The following TFRC variants were observed in gnomAD, a reference collection of about 807,000 sequenced individuals.
The protein encoded by TFRC is transferrin receptor protein 1.
In TFRC, 35 loss-of-function variants were observed where a neutral mutation model predicts 85.8. The observed-to-expected ratio is 0.41, with a 90% CI of 0.31 to 0.54. The LOEUF (loss-of-function observed/expected upper bound fraction) is 0.54, where lower values mean the gene tolerates loss of function less well. Ranked by LOEUF, TFRC falls within the 20% of genes least tolerant of loss-of-function variation. The pLI is 0.31. For synonymous variants in TFRC, 362 were observed against 328.6 expected (o/e 1.10, Z -1.10); for missense variants, 828 against 921.5 (o/e 0.90, Z 1.31).
chr3:196,073,394 C>G (rs1404205037), intron 4 of TFRC, among the ~76,000 whole-genome samples: 1 of 151,602 alleles, frequency 6.6e-6, no homozygotes, highest in Non-Finnish European at 1.5e-5. Context: ...GAGATGAGAG[C>G]ACGCCACCGT....
chr3:196,060,429 G>C, intron 13 of TFRC, 182 bp from the exon 14 acceptor site: 2 of 597,156 alleles, frequency 3.3e-6, no homozygotes, highest in Non-Finnish European at 6.0e-6. Context: ...TAGCAACTAA[G>C]CTAACTTCAC....
In TFRC at chr3:196,071,397, G is replaced by A; in HGVS notation, c.686C>T (p.Thr229Ile). The change falls in exon 6 of 19, where the codon ACT becomes ATT. Residue 229 changes from threonine (T) to isoleucine (I), a missense_variant and splice_region_variant. Transcript: ENST00000360110. ...YVAYSKAATVTGKLVHANFGT... is the reference protein window; with the variant it reads ...YVAYSKAATVIGKLVHANFGT... ...CATGCACTGTTTTGCTTTACTTACA[G>A]TAACTGTTGCAGCCTTACTATACGC... 1 of 1,613,334 alleles carries A rather than the reference G, an allele frequency of 6.2e-7. No individual in the cohort carries two copies. Among genetic ancestry groups the A allele is most frequent in the East Asian group, 2.2e-5 (1 of 44,866 alleles).
chr3:196,050,363 G>A lies in TFRC; in HGVS notation c.*1579C>T, dbSNP rs1250970540. On this transcript the variant is annotated 3_prime_UTR_variant, in exon 19 of 19. Transcript: ENST00000360110. ...ACCCAATGCTTAATGACCACAAAATGTTTCTGCAACTAAAACTAAAAGATA... is the reference window on the plus strand; with the variant it reads ...ACCCAATGCTTAATGACCACAAAATATTTCTGCAACTAAAACTAAAAGATA... The A allele has an allele frequency of 4.6e-6, 1 of 215,618 alleles. No homozygotes were observed. Among genetic ancestry groups the A allele is most frequent in the African/African-American group, 2.3e-5 (1 of 44,322 alleles). 13.4% of individuals were successfully genotyped at this position (215,618 alleles called of 1,614,324 possible).
rs1314344034 is a variant in TFRC, at chr3:196,075,146, T to C, written c.238+13A>G. On this transcript the variant is annotated intron_variant, in intron 3 of 18. Coordinates refer to ENST00000360110, the MANE Select transcript of TFRC (RefSeq NM_001128148.3). ...TTATAGAAAACATTGAAGTTTGGAATGGTCATTCTCACCAATCAAGAAAAA... is the reference window on the plus strand; with the variant it reads ...TTATAGAAAACATTGAAGTTTGGAACGGTCATTCTCACCAATCAAGAAAAA... 6 of 1,612,288 alleles carry C rather than the reference T, an allele frequency of 3.7e-6. No individual in the cohort carries two copies. The highest frequency in any genetic ancestry group is 5.1e-6 in the Non-Finnish European group (6 of 1,179,094).
At chr3:196,055,010 C>A in intron 17 of TFRC, 70 bp downstream of exon 17, 1 of 1,447,860 alleles carries the variant, frequency 6.9e-7, no homozygotes, top group East Asian at 2.3e-5. Context: ...CAGGAACACA[C>A]AGGAACACAT....
In TFRC at chr3:196,079,027, C is replaced by T. The variant is rs972609184; in HGVS notation, c.-23-1905G>A. 2.0e-5 allele frequency among the ~76,000 whole-genome samples: 3 copies of T among 152,172 alleles called. No individual in the cohort carries two copies. In the South Asian group the frequency reaches 6.2e-4, roughly 32 times the overall value. ...GACCTAGGGTGATCCACCCACCTGG[C>T]CTCCCAAAGTGCTAAGATTAGTTAC... On this transcript the variant is annotated intron_variant, in intron 1 of 18. Transcript: ENST00000360110.
At chr3:196,067,125 G>A (rs1717801404) in intron 9 of TFRC, among the ~76,000 whole-genome samples, 1 of 152,178 alleles carries the variant, frequency 6.6e-6, no homozygotes, top group African/African-American at 2.4e-5. Context: ...TTGCTTAGAA[G>A]AAAAATCCAG....
Position 196,063,009 on chromosome 3 carries a change from T to C in TFRC, c.1319-70A>G. On this transcript the variant is annotated intron_variant, in intron 11 of 18. Coordinates refer to ENST00000360110, the MANE Select transcript of TFRC (RefSeq NM_001128148.3). ...CAGACAAGGATGGAAGGTATCCCACTTAAGATGAATCAGAAGGTCTAATTC... is the reference window on the plus strand; with the variant it reads ...CAGACAAGGATGGAAGGTATCCCACCTAAGATGAATCAGAAGGTCTAATTC... 6 of 1,273,970 alleles carry C rather than the reference T, an allele frequency of 4.7e-6. No individual in the cohort carries two copies. The Admixed American group carries it at 1.1e-4, about 24-fold the overall frequency. The allele number at this position is 1,273,970 out of a possible 1,614,324, so 78.9% of individuals were successfully genotyped here.
At chr3:196,054,306 G>A (rs1362896609) in intron 17 of TFRC, among the ~76,000 whole-genome samples, 2 of 152,100 alleles carry the variant, frequency 1.3e-5, no homozygotes, top group Admixed American at 6.6e-5. Context: ...CTGGGGAGCC[G>A]AGGCAGGAGA....
In TFRC at chr3:196,075,046, C is replaced by CA. The variant is rs56119775; in HGVS notation, c.238+112dup. 0.23 allele frequency: 120,556 copies of CA among 513,354 alleles called. 9,281 individuals are homozygous for CA. Among genetic ancestry groups the CA allele is most frequent in the African/African-American group, 0.27 (8,544 of 31,216 alleles). The allele number at this position is 513,354 out of a possible 1,614,324, so 31.8% of individuals were successfully genotyped here. A position where few individuals can be genotyped will look rare whatever the true frequency, so the allele number is the denominator to read the frequency against. ...AGGCAAGAGAGTAAGCCTCTGTCTC[C>CA]AAAAAAAAAAAAAAAAAAAATAAGG... On this transcript the variant is annotated intron_variant, in intron 3 of 18. Transcript: ENST00000360110.
At chr3:196,069,706 G>A in intron 6 of TFRC, 138 bp from the exon 7 acceptor site, 1 of 547,668 alleles carries the variant, frequency 1.8e-6, no homozygotes, top group Non-Finnish European at 3.2e-6. Context: ...GCCTAAAAAA[G>A]ACATGAGTTC....
At chr3:196,070,151 T>C (rs1439835688) in intron 6 of TFRC, among the ~76,000 whole-genome samples, 2 of 151,972 alleles carry the variant, frequency 1.3e-5, no homozygotes, top group Non-Finnish European at 2.9e-5. Flanking sequence ...TCCTGGCTTA[T>C]AGGCAGCCAG....
At chr3:196,076,251 G>GT (rs1055677071) in intron 2 of TFRC, among the ~76,000 whole-genome samples, 59 of 151,928 alleles carry the variant, frequency 3.9e-4, no homozygotes, top group African/African-American at 5.3e-4. Flanking sequence ...CTGGATGGCT[G>GT]TTTTTTTTGT....
At chr3:196,054,691 T>C (rs936558572) in intron 17 of TFRC, among the ~76,000 whole-genome samples, 2 of 152,236 alleles carry the variant, frequency 1.3e-5, no homozygotes, top group Non-Finnish European at 2.9e-5. Context: ...ATTTGACTTT[T>C]AGATGCGCAG....
At chr3:196,069,406 G>GT in intron 7 of TFRC, 49 bp downstream of exon 7, 2 of 1,107,072 alleles carry the variant, frequency 1.8e-6, no homozygotes, top group African/African-American at 3.2e-5. Context: ...TACCTGAAGA[G>GT]TAAGATACCA....
rs145658410 is a variant in TFRC, at chr3:196,078,269, C to T, written c.-23-1147G>A. On this transcript the variant is annotated intron_variant, in intron 1 of 18. Transcript: ENST00000360110. Reference sequence around the variant, plus strand: ...ACCATTTTAAAGCTTTTCCTATATACGAGTACACTTAGGGCATATTAAACA... The same window carrying T: ...ACCATTTTAAAGCTTTTCCTATATATGAGTACACTTAGGGCATATTAAACA... Among the ~76,000 whole-genome samples, 276 of 152,016 alleles carry T rather than the reference C, an allele frequency of 1.8e-3. 1 individual carries two copies. Among genetic ancestry groups the T allele is most frequent in the African/African-American group, 6.5e-3 (269 of 41,454 alleles).
At chr3:196,053,651 G>C in intron 17 of TFRC, 93 bp from the exon 18 acceptor site, 1 of 1,511,026 alleles carries the variant, frequency 6.6e-7, no homozygotes, top group Non-Finnish European at 9.1e-7. Context: ...GTAAGATTCT[G>C]ATAAAAGGAA....
Position 196,074,051 on chromosome 3 carries a change from C to G in TFRC, c.313G>C (p.Glu105Gln). The G allele has an allele frequency of 1.2e-6, 2 of 1,614,144 alleles. No individual in the cohort carries two copies. The highest frequency in any genetic ancestry group is 1.7e-6 in the Non-Finnish European group (2 of 1,180,022). Residue 105 changes from glutamate to glutamine, a missense_variant, in exon 4 of 19, where the codon GAG (glutamate) becomes CAG (glutamine). Glu to Gln is a conservative substitution (Grantham distance 29). Coordinates refer to ENST00000360110, the MANE Select transcript of TFRC (RefSeq NM_001128148.3). Reference protein sequence around the residue: ...KTECERLAGTESPVREEPGED... With the variant: ...KTECERLAGTQSPVREEPGED... ...CCTGGCTCCTCCCTCACTGGAGACT[C>G]GGTTCCTGCCAGTCTCTCACACTCA...
intron 1 of TFRC, among the ~76,000 whole-genome samples, chr3:196,079,011 T>G (rs1440744786): frequency 6.6e-6 from 1 of 152,022 alleles, no homozygotes. Flanking sequence ...TGACCTAGGG[T>G]GATCCACCCA....
Sources: allele counts gnomAD v4.1 joint callset (sites outside exome capture counted in the v4.1 genomes callset), GRCh38; gene constraint gnomAD v4.1.1; transcripts MANE v1.5; gene names NCBI Gene and HGNC (gene_info 2026-07-23, HGNC 2026-07-21).